The following MTHFD1L variants were observed in gnomAD, a reference collection of about 807,000 sequenced individuals.
MTHFD1L encodes monofunctional C1-tetrahydrofolate synthase, mitochondrial.
A neutral mutation model predicts 119.5 loss-of-function variants in MTHFD1L; 81 were observed. The ratio of observed to expected loss-of-function variants is 0.68; its 90% CI spans 0.57 to 0.82. The LOEUF is 0.82. Ranked by LOEUF, MTHFD1L falls within the 40% of genes least tolerant of loss-of-function variation. The pLI, the probability that MTHFD1L is intolerant of heterozygous loss-of-function variation, is 0.00. For synonymous variants in MTHFD1L, 430 were observed against 475.2 expected (o/e 0.90, Z 1.24); for missense variants, 1,125 against 1,253.4 (o/e 0.90, Z 1.55).
chr6:151,044,558 C>A (rs1725533267), intron 26 of MTHFD1L, among the ~76,000 whole-genome samples: 1 of 152,060 alleles, frequency 6.6e-6, no homozygotes, highest in Non-Finnish European at 1.5e-5. Flanking sequence ...GCCTCAGCCT[C>A]CCAAAGTGCT....
intron 26 of MTHFD1L, among the ~76,000 whole-genome samples, chr6:151,091,818 T>C (rs902239141): frequency 2.6e-5 from 4 of 152,222 alleles, no homozygotes; most frequent in African/African-American, 9.6e-5. Flanking sequence ...AACTTTTTAC[T>C]AGTGTGACCT....
chr6:150,946,967 C>T (rs1241555582), intron 15 of MTHFD1L, among the ~76,000 whole-genome samples: 3 of 150,726 alleles, frequency 2.0e-5, no homozygotes, highest in African/African-American at 2.4e-5. Context: ...CCCAGCTTCT[C>T]GGGAGGCTGG....
Position 150,960,354 on chromosome 6 carries a change from G to T in MTHFD1L, c.1883G>T (p.Arg628Leu). The T allele has an allele frequency of 1.2e-6, 2 of 1,614,066 alleles. No individual in the cohort carries two copies. Among genetic ancestry groups the T allele is most frequent in the Non-Finnish European group, 1.7e-6 (2 of 1,179,978 alleles). ...LTDSLADMKA[R>L]LGRMVVASDK... ...GACAGCCTCGCAGACATGAAGGCAC[G>T]GCTGGGAAGGATGGTGGTGGCCAGT... is the stretch of plus-strand genomic sequence containing the variant. The change falls in exon 18 of 28, where the codon CGG becomes CTG. Residue 628 changes from arginine (R) to leucine (L), a missense_variant. Transcript: ENST00000367321.
intron 20 of MTHFD1L, among the ~76,000 whole-genome samples, chr6:150,997,317 A>C (rs1454433511): frequency 2.0e-5 from 3 of 152,196 alleles, no homozygotes; most frequent in African/African-American, 7.2e-5. Flanking sequence ...ATTCTACAAA[A>C]TAACGTTCAA....
intron 26 of MTHFD1L, among the ~76,000 whole-genome samples, chr6:151,083,483 A>G (rs989210065): frequency 6.6e-6 from 1 of 152,246 alleles, no homozygotes; most frequent in Admixed American, 6.5e-5. Flanking sequence ...GGCGTGAGCC[A>G]CAGCGCCCGG....
chr6:151,079,073 C>T (rs1184449260), intron 26 of MTHFD1L, among the ~76,000 whole-genome samples: 2 of 152,054 alleles, frequency 1.3e-5, no homozygotes, highest in African/African-American at 4.8e-5. Flanking sequence ...TTGACAGCGC[C>T]CTAGCAAGAT....
intron 26 of MTHFD1L, among the ~76,000 whole-genome samples, chr6:151,044,716 C>G (rs1787699777): frequency 6.6e-6 from 1 of 152,140 alleles, no homozygotes; most frequent in Non-Finnish European, 1.5e-5. Flanking sequence ...CTGGGTTGGC[C>G]TTTGTCCCCA....
chr6:151,012,558 A>T (rs1032255975), intron 21 of MTHFD1L, among the ~76,000 whole-genome samples: 9 of 151,058 alleles, frequency 6.0e-5, no homozygotes, highest in Non-Finnish European at 1.3e-4. Flanking sequence ...GTCATTTTAA[A>T]CTCACATCCT....
At chr6:151,096,991 A>C (rs1292216570) in intron 27 of MTHFD1L, among the ~76,000 whole-genome samples, 11 of 152,206 alleles carry the variant, frequency 7.2e-5, no homozygotes, top group Non-Finnish European at 1.5e-4. Flanking sequence ...GAACTAATTA[A>C]AATAGATTTT....
At chr6:150,886,435 C>CAAAAAAA (rs996165446) in intron 6 of MTHFD1L, among the ~76,000 whole-genome samples, 1 of 69,636 alleles carries the variant, frequency 1.4e-5, no homozygotes, top group African/African-American at 5.2e-5. Context: ...GACCCTGCCT[C>CAAAAAAA]AAAAAAAAAA....
intron 17 of MTHFD1L, chr6:150,959,207 A>G (rs899437789): frequency 2.0e-6 from 2 of 984,698 alleles, no homozygotes; most frequent in African/African-American, 3.5e-5. Flanking sequence ...ACCAGGAAGT[A>G]GCCAGAAAGC....
intron 7 of MTHFD1L, among the ~76,000 whole-genome samples, chr6:150,890,204 A>G (rs942155742): frequency 1.3e-5 from 2 of 152,140 alleles, no homozygotes; most frequent in Non-Finnish European, 2.9e-5. Context: ...GTGTATATAT[A>G]TATATAATAG....
intron 27 of MTHFD1L, among the ~76,000 whole-genome samples, chr6:151,099,032 C>T (rs1265895999): frequency 2.0e-5 from 3 of 152,010 alleles, no homozygotes; most frequent in African/African-American, 7.2e-5. Context: ...AAAAATTAGT[C>T]GGGCATGGTG....
intron 27 of MTHFD1L, among the ~76,000 whole-genome samples, chr6:151,098,466 G>A (rs116883882): frequency 6.6e-6 from 1 of 152,254 alleles, no homozygotes; most frequent in Non-Finnish European, 1.5e-5. Flanking sequence ...GCCATCCGAG[G>A]AGTGCTGTGT....
chr6:150,891,523 A>G (rs1783276217), intron 7 of MTHFD1L, among the ~76,000 whole-genome samples: 1 of 147,982 alleles, frequency 6.8e-6, no homozygotes, highest in African/African-American at 2.5e-5. Context: ...TATTAGGATT[A>G]TATATAATAT....
At chr6:150,931,574 G>A (rs2128923090) in intron 11 of MTHFD1L, among the ~76,000 whole-genome samples, 1 of 152,186 alleles carries the variant, frequency 6.6e-6, no homozygotes, top group Admixed American at 6.5e-5. Context: ...ATAATAAAAG[G>A]CTTAAAAAGC....
chr6:150,978,286 C>T lies in MTHFD1L; in HGVS notation c.2125+6228C>T, dbSNP rs1186667881. ...TAAGAGAGAGAAAGAACTGTTGGTG[C>T]ATATCTCAAAGCCTAGCTCTACTTT... is the stretch of plus-strand genomic sequence containing the variant. On this transcript the variant is annotated intron_variant, in intron 20 of 27. Transcript: ENST00000367321. 2.0e-5 allele frequency among the ~76,000 whole-genome samples: 3 copies of T among 152,180 alleles called. No homozygotes were observed. In the East Asian group the frequency reaches 5.8e-4, roughly 29 times the overall value.
chr6:150,881,036 G>T (rs1229002383), intron 4 of MTHFD1L, among the ~76,000 whole-genome samples: 3 of 152,080 alleles, frequency 2.0e-5, no homozygotes, highest in Non-Finnish European at 4.4e-5. Flanking sequence ...CCATTCTGTA[G>T]GTTGTCTCTG....
At chr6:150,911,494 T>A (rs1362870572) in intron 8 of MTHFD1L, among the ~76,000 whole-genome samples, 1 of 152,158 alleles carries the variant, frequency 6.6e-6, no homozygotes, top group Non-Finnish European at 1.5e-5. Context: ...GAAAAGAAGT[T>A]TAATTGTCTC....
Sources: allele counts gnomAD v4.1 joint callset (sites outside exome capture counted in the v4.1 genomes callset), GRCh38; gene constraint gnomAD v4.1.1; transcripts MANE v1.5; gene names NCBI Gene and HGNC (gene_info 2026-07-23, HGNC 2026-07-21).